PTPN21: variants seen among roughly 807,000 people sequenced by gnomAD.
PTPN21 encodes the protein tyrosine-protein phosphatase non-receptor type 21.
PTPN21 carries 77 observed loss-of-function variants against 131.8 expected under a neutral mutation model. The observed-to-expected ratio is 0.58, with a 90% CI of 0.49 to 0.71. The LOEUF (loss-of-function observed/expected upper bound fraction) is 0.71. PTPN21 is among the 30% of genes least tolerant of loss of function. The pLI is 0.00. For synonymous variants in PTPN21, 715 were observed against 621.3 expected (o/e 1.15, Z -2.24); for missense variants, 1,552 against 1,527.1 (o/e 1.02, Z -0.27).
chr14:88,489,779 C>T (rs186883169), intron 10 of PTPN21, among the ~76,000 whole-genome samples: 1 of 152,246 alleles, frequency 6.6e-6, no homozygotes, highest in East Asian at 1.9e-4. Flanking sequence ...TCCCAGCCTA[C>T]ACTTGGGTAG....
At chr14:88,534,639 C>T (rs997065578) in intron 2 of PTPN21, among the ~76,000 whole-genome samples, 5 of 151,454 alleles carry the variant, frequency 3.3e-5, no homozygotes, top group South Asian at 4.2e-4. Context: ...TTTAGGAGGC[C>T]GAGGTGGGAG....
chr14:88,529,148 C>T (rs960213192), intron 2 of PTPN21, among the ~76,000 whole-genome samples: 1 of 152,074 alleles, frequency 6.6e-6, no homozygotes, highest in Non-Finnish European at 1.5e-5. Flanking sequence ...TAAGGTATGT[C>T]CCTTCTATGC....
intron 13 of PTPN21, among the ~76,000 whole-genome samples, chr14:88,476,088 T>A (rs2077543629): frequency 6.6e-6 from 1 of 152,196 alleles, no homozygotes; most frequent in Non-Finnish European, 1.5e-5. Context: ...AACAATCAGG[T>A]TGCTGGAGGT....
At chr14:88,534,543 T>C (rs1394955981) in intron 2 of PTPN21, among the ~76,000 whole-genome samples, 4 of 152,142 alleles carry the variant, frequency 2.6e-5, no homozygotes, top group African/African-American at 9.7e-5. Context: ...AATTTAAAAG[T>C]TTGTAAAGCA....
intron 2 of PTPN21, among the ~76,000 whole-genome samples, chr14:88,532,627 T>C (rs1358804965): frequency 6.6e-6 from 1 of 152,192 alleles, no homozygotes; most frequent in Non-Finnish European, 1.5e-5. Context: ...TTTTTTCTTA[T>C]TTTATACATA....
intron 2 of PTPN21, among the ~76,000 whole-genome samples, chr14:88,520,398 G>A (rs1327757249): frequency 7.0e-6 from 1 of 141,928 alleles, no homozygotes; most frequent in Admixed American, 7.1e-5. Context: ...GTAACAAAGT[G>A]AGACTCTGCC....
chr14:88,479,669 T>G lies in PTPN21; in HGVS notation c.1762A>C (p.Ser588Arg), dbSNP rs774031073. The G allele has an allele frequency of 1.3e-6, 2 of 1,516,698 alleles. No individual in the cohort carries two copies. Among genetic ancestry groups the G allele is most frequent in the Non-Finnish European group, 8.8e-7 (1 of 1,142,566 alleles). 94.0% of individuals were successfully genotyped at this position (1,516,698 alleles called of 1,614,324 possible). A position where few individuals can be genotyped will look rare whatever the true frequency, so the allele number is the denominator to read the frequency against. The change falls in exon 13 of 19, where the codon AGC becomes CGC. Residue 588 changes from serine to arginine, a missense_variant. Physicochemically the swap from Ser to Arg is moderately radical, Grantham distance 110. Transcript: ENST00000556564. ...TPDLSRHLYI[S>R]SSNPDLITRR... ...GTGATGAGGTCGGGGTTGCTGCTGCTGATGTAAAGGTGGCGGGACAGGTCT... is the reference window on the plus strand; with the variant it reads ...GTGATGAGGTCGGGGTTGCTGCTGCGGATGTAAAGGTGGCGGGACAGGTCT...
Position 88,550,590 on chromosome 14 carries a change from G to A in PTPN21, c.-173C>T. 1.6e-6 allele frequency: 1 copy of A among 633,012 alleles called. No homozygotes were observed. The highest frequency in any genetic ancestry group is 2.1e-5 in the South Asian group (1 of 46,820). 39.2% of individuals were successfully genotyped at this position (633,012 alleles called of 1,614,324 possible). A position where few individuals can be genotyped will look rare whatever the true frequency, so the allele number is the denominator to read the frequency against. On this transcript the variant is annotated 5_prime_UTR_variant, in exon 2 of 19. Coordinates refer to ENST00000556564, the MANE Select transcript of PTPN21 (RefSeq NM_007039.4). ...ATTAAAAAGCAACGGAGTCTCCAAT[G>A]GCCCGAGGAAGGGAGCATTGACGCC... is the stretch of plus-strand genomic sequence containing the variant.
chr14:88,487,600 C>T (rs1595361364), intron 10 of PTPN21, among the ~76,000 whole-genome samples: 1 of 151,928 alleles, frequency 6.6e-6, no homozygotes, highest in East Asian at 1.9e-4. Flanking sequence ...CTTTTACTAG[C>T]TTTTATAAAT....
intron 2 of PTPN21, among the ~76,000 whole-genome samples, chr14:88,541,568 G>C (rs2078706581): frequency 6.6e-6 from 1 of 152,136 alleles, no homozygotes; most frequent in South Asian, 2.1e-4. Flanking sequence ...TAGCAGGGAA[G>C]ACAGACATGG....
intron 10 of PTPN21, among the ~76,000 whole-genome samples, chr14:88,496,182 C>T (rs955803742): frequency 2.0e-5 from 3 of 152,062 alleles, no homozygotes; most frequent in African/African-American, 7.2e-5. Flanking sequence ...GGATATTATT[C>T]CCTTTTTACC....
chr14:88,483,862 T>C (rs1056207224), intron 12 of PTPN21, among the ~76,000 whole-genome samples: 3 of 151,924 alleles, frequency 2.0e-5, no homozygotes, highest in Non-Finnish European at 4.4e-5. Flanking sequence ...GTGCCAGGAG[T>C]GGTGGCTCAG....
intron 2 of PTPN21, among the ~76,000 whole-genome samples, chr14:88,543,948 C>T (rs984301319): frequency 6.8e-6 from 1 of 147,778 alleles, no homozygotes; most frequent in African/African-American, 2.5e-5. Context: ...AGAAAACTGT[C>T]CTCTAAGTTA....
chr14:88,547,659 A>G (rs1371978312), intron 2 of PTPN21: 2 of 455,706 alleles, frequency 4.4e-6, no homozygotes, highest in Admixed American at 2.4e-5. Flanking sequence ...TCCCTAAAAA[A>G]GAATAAATGC....
At chr14:88,518,404 ATATATATATATTTTTTTTTTTTTTTTTT>A (rs1393622212) in intron 2 of PTPN21, among the ~76,000 whole-genome samples, 1 of 20,822 alleles carries the variant, frequency 4.8e-5, no homozygotes, top group Non-Finnish European at 1.2e-4. Context: ...ATATATATAT[ATATATATATATTTTTTTTTTTTTTTTTT>A]TTTTTTTTTT....
In PTPN21 at chr14:88,480,274, T is replaced by A; in HGVS notation, c.1157A>T (p.Asn386Ile). The A allele has an allele frequency of 6.2e-7, 1 of 1,614,188 alleles. No individual in the cohort carries two copies. Among genetic ancestry groups the A allele is most frequent in the Non-Finnish European group, 8.5e-7 (1 of 1,180,014 alleles). ...GACACTGCCATTACGGATCCGACCGTTGAGGTCAATCTGGGCTCTATCCAA... is the reference window on the plus strand; with the variant it reads ...GACACTGCCATTACGGATCCGACCGATGAGGTCAATCTGGGCTCTATCCAA... ...TSLDRAQIDLNGRIRNGSVYS... is the reference protein window; with the variant it reads ...TSLDRAQIDLIGRIRNGSVYS... Residue 386 changes from asparagine to isoleucine, a missense_variant, in exon 13 of 19, where the codon AAC (asparagine) becomes ATC (isoleucine). Physicochemically the swap from Asn to Ile is moderately radical, Grantham distance 149 (BLOSUM62 -3). Around this residue, in one of 4 missense-constraint regions of PTPN21, gnomAD observed 1,016 missense variants for 883.5 expected, o/e 1.15. Transcript: ENST00000556564.
At position 88,517,182 on chromosome 14, in the gene PTPN21, T is replaced by C; in HGVS notation, c.260A>G (p.Gln87Arg). 1 of 1,614,166 alleles carries C rather than the reference T, an allele frequency of 6.2e-7. No homozygotes were observed. Among genetic ancestry groups the C allele is most frequent in the Non-Finnish European group, 8.5e-7 (1 of 1,180,014 alleles). The change falls in exon 3 of 19, where the codon CAG (glutamine) becomes CGG (arginine). Residue 87 changes from glutamine (Q) to arginine (R), a missense_variant. Transcript: ENST00000556564. ...AGGTTCCAATGCATATTTATCCAGC[T>C]GCTTCTTCAAAGGTTTTTCCAAATC... ...WVDLEKPLKKQLDKYALEPTV... is the reference protein window; with the variant it reads ...WVDLEKPLKKRLDKYALEPTV...
At chr14:88,471,229 C>G (rs558286242) in intron 15 of PTPN21, among the ~76,000 whole-genome samples, 1 of 152,268 alleles carries the variant, frequency 6.6e-6, no homozygotes, top group South Asian at 2.1e-4. Flanking sequence ...ATAATACTTG[C>G]AAACTAAAGA....
At chr14:88,489,684 T>C (rs2077794316) in intron 10 of PTPN21, among the ~76,000 whole-genome samples, 1 of 152,068 alleles carries the variant, frequency 6.6e-6, no homozygotes, top group Admixed American at 6.6e-5. Context: ...TGTTAGATGG[T>C]GGAAATACCT....
Sources: gnomAD v4.1 joint callset for allele counts (sites outside exome capture counted in the v4.1 genomes callset) on GRCh38, gnomAD v4.1.1 for gene constraint, gnomAD v4.1.1 regional missense constraint, MANE v1.5 for transcripts, NCBI Gene and HGNC (gene_info 2026-07-23, HGNC 2026-07-21) for gene names.